The following SUPT3H variants were observed in gnomAD, a reference collection of about 807,000 sequenced individuals.
SUPT3H encodes transcription initiation protein SPT3 homolog.
Under a neutral mutation model 44.3 loss-of-function variants are expected in SUPT3H, and 44 were observed. The observed-to-expected ratio is 0.99, with a 90% confidence interval of 0.78 to 1.28. The LOEUF (loss-of-function observed/expected upper bound fraction) is 1.28. Among genes scored for constraint, SUPT3H ranks in the 50% most tolerant of loss-of-function variants. The pLI is 0.00. For synonymous variants in SUPT3H, 124 were observed against 125.6 expected (o/e 0.99, Z 0.09); for missense variants, 380 against 387.1 (o/e 0.98, Z 0.15).
At chr6:44,905,006 T>C (rs954188073) in intron 10 of SUPT3H, among the ~76,000 whole-genome samples, 3 of 152,112 alleles carry the variant, frequency 2.0e-5, no homozygotes, top group South Asian at 4.1e-4. Flanking sequence ...TTACACCTTA[T>C]ACAAAAATTA....
intron 10 of SUPT3H, among the ~76,000 whole-genome samples, chr6:44,888,867 C>T (rs1469408975): frequency 6.9e-6 from 1 of 145,390 alleles, no homozygotes; most frequent in Admixed American, 7.0e-5. Context: ...CTAGAAAACC[C>T]CATCGTCTCA....
chr6:45,184,810 G>A lies in SUPT3H; in HGVS notation c.102-78804C>T, dbSNP rs562728615. Among the ~76,000 whole-genome samples the A allele has an allele frequency of 4.2e-5, 6 of 141,466 alleles. No homozygotes were observed. In the East Asian group the frequency reaches 6.0e-4, roughly 14 times the overall value. The allele number at this position is 141,466 out of a possible 152,430, so 92.8% of individuals were successfully genotyped here. A position where few individuals can be genotyped will look rare whatever the true frequency, so the allele number is the denominator to read the frequency against. ...AAAAAAAAAAAAAAAAAAACTCCAA[G>A]GAAAGCCTGTTCCTAACTAGCAAAG... On this transcript the variant is annotated intron_variant, in intron 2 of 10. Transcript: ENST00000371459.
rs550272526 is a variant in SUPT3H at position 45,205,020 on chromosome 6, C to G, written c.102-99014G>C. Among the ~76,000 whole-genome samples, 39 of 152,286 alleles carry G rather than the reference C, an allele frequency of 2.6e-4. 1 individual carries two copies. In the South Asian group the frequency reaches 7.9e-3, roughly 31 times the overall value. On this transcript the variant is annotated intron_variant, in intron 2 of 10. Transcript: ENST00000371459. The stretch of plus-strand genomic sequence containing the variant: ...CCATGTTGGGCTCAACTTTCTCATG[C>G]AGTACTTTCATTTTAACTATAGAAA...
At chr6:45,174,775 A>T (rs1313577764) in intron 2 of SUPT3H, among the ~76,000 whole-genome samples, 1 of 152,134 alleles carries the variant, frequency 6.6e-6, no homozygotes, top group Admixed American at 6.6e-5. Flanking sequence ...TATATACAGA[A>T]ATTCTGTTAG....
chr6:44,933,950 G>A (rs1770998728), intron 9 of SUPT3H, among the ~76,000 whole-genome samples: 1 of 152,194 alleles, frequency 6.6e-6, no homozygotes, highest in African/African-American at 2.4e-5. Context: ...TTTAAATTAA[G>A]TGTTAAAAAT....
rs78295696 is a variant in SUPT3H at position 45,094,047 on chromosome 6, G to A, written c.186+11875C>T. Among the ~76,000 whole-genome samples, 1,067 of 152,202 alleles carry A rather than the reference G, an allele frequency of 7.0e-3. 21 individuals carry two copies. The highest frequency in any genetic ancestry group is 0.024 in the African/African-American group (1,015 of 41,536). On this transcript the variant is annotated intron_variant, in intron 3 of 10. Transcript: ENST00000371459. ...CTCAGTCACACAATTTCAAGATGGC[G>A]CAAATCTCTGCCTATCTCTATTAAG...
intron 2 of SUPT3H, among the ~76,000 whole-genome samples, chr6:45,272,317 A>G (rs1050429044): frequency 1.4e-4 from 22 of 152,096 alleles, no homozygotes; most frequent in African/African-American, 5.1e-4. Flanking sequence ...GGGAGGGACA[A>G]GTGGGAGGTG....
chr6:45,319,113 G>C (rs921427013), intron 2 of SUPT3H, among the ~76,000 whole-genome samples: 4 of 152,122 alleles, frequency 2.6e-5, no homozygotes, highest in African/African-American at 4.8e-5. Flanking sequence ...CACATTAAAT[G>C]ACCCTTGAAG....
intron 2 of SUPT3H, among the ~76,000 whole-genome samples, chr6:45,363,002 G>T (rs906934600): frequency 2.6e-5 from 4 of 151,660 alleles, no homozygotes; most frequent in Admixed American, 1.3e-4. Context: ...ATTTTGGTAG[G>T]TACATAGGTT....
chr6:45,310,704 G>A (rs1452202722), intron 2 of SUPT3H, among the ~76,000 whole-genome samples: 1 of 152,128 alleles, frequency 6.6e-6, no homozygotes, highest in African/African-American at 2.4e-5. Flanking sequence ...TGGCTCACAG[G>A]AAGCCATAAC....
At chr6:44,860,425 T>C (rs1053422297) in intron 10 of SUPT3H, among the ~76,000 whole-genome samples, 2 of 152,144 alleles carry the variant, frequency 1.3e-5, no homozygotes, top group African/African-American at 4.8e-5. Flanking sequence ...TCACAGACTG[T>C]AGGAGCTCGA....
chr6:44,930,380 C>CA (rs35246989), intron 10 of SUPT3H, among the ~76,000 whole-genome samples: 54 of 139,730 alleles, frequency 3.9e-4, no homozygotes, highest in African/African-American at 7.9e-4. Context: ...GACTCCGTCT[C>CA]AAAAAAAAAA....
chr6:45,340,524 A>G (rs1275242847), intron 2 of SUPT3H, among the ~76,000 whole-genome samples: 1 of 151,960 alleles, frequency 6.6e-6, no homozygotes, highest in Non-Finnish European at 1.5e-5. Context: ...GGTTTTTGCC[A>G]TGTTGCCCAG....
chr6:45,158,300 T>TATA (rs1562573429), intron 2 of SUPT3H, among the ~76,000 whole-genome samples: 11 of 63,718 alleles, frequency 1.7e-4, no homozygotes, highest in Admixed American at 4.4e-4. Flanking sequence ...ATATATATAT[T>TATA]TTTTTTTTTT....
chr6:44,946,107 C>CA (rs1421596365), intron 9 of SUPT3H, among the ~76,000 whole-genome samples: 1 of 152,146 alleles, frequency 6.6e-6, no homozygotes, highest in African/African-American at 2.4e-5. Flanking sequence ...ACAGCATATC[C>CA]ATTTACAGCA....
chr6:45,253,301 C>A (rs779008341), intron 2 of SUPT3H, among the ~76,000 whole-genome samples: 63 of 152,054 alleles, frequency 4.1e-4, no homozygotes, highest in Non-Finnish European at 7.6e-4. Context: ...AATTAGTCTG[C>A]CTGAAGTAAG....
chr6:44,977,785 TTAC>T (rs1778542278), intron 6 of SUPT3H, among the ~76,000 whole-genome samples: 1 of 152,220 alleles, frequency 6.6e-6, no homozygotes, highest in African/African-American at 2.4e-5. Context: ...TCACTTGACA[TTAC>T]TACTACATGT....
chr6:45,143,479 T>TA (rs1185980846), intron 2 of SUPT3H, among the ~76,000 whole-genome samples: 1 of 151,994 alleles, frequency 6.6e-6, no homozygotes, highest in South Asian at 2.1e-4. Flanking sequence ...GAAATCAAGA[T>TA]AAAAAAATTA....
chr6:45,006,041 A>T (rs778914024), intron 5 of SUPT3H, among the ~76,000 whole-genome samples: 8 of 151,272 alleles, frequency 5.3e-5, no homozygotes, highest in Non-Finnish European at 1.0e-4. Flanking sequence ...ATCCTGTTTT[A>T]TTATTATTAT....
Sources: gnomAD v4.1 joint callset for allele counts (sites outside exome capture counted in the v4.1 genomes callset) on GRCh38, gnomAD v4.1.1 for gene constraint, MANE v1.5 for transcripts, NCBI Gene and HGNC (gene_info 2026-07-23, HGNC 2026-07-21) for gene names.